Variants in DCAF7 observed in about 807,000 individuals in gnomAD.
DCAF7 encodes DDB1- and CUL4-associated factor 7.
Under a neutral mutation model 41.2 loss-of-function variants are expected in DCAF7, and 4 were observed. The observed-to-expected ratio is 0.10, with a 90% CI of 0.05 to 0.22. DCAF7 has a LOEUF of 0.22. Ranked by LOEUF, DCAF7 falls within the 10% of genes least tolerant of loss-of-function variation. The pLI, the probability that DCAF7 is intolerant of heterozygous loss-of-function variation, is 1.00. For missense variants in DCAF7, 131 were observed against 443.2 expected, an observed-to-expected ratio of 0.30 and a Z score of 6.32; for synonymous variants, 143 against 164.2, an observed-to-expected ratio of 0.87 and a Z score of 0.99.
chr17:63,587,484 T>TG (rs2033689458), intron 6 of DCAF7, among the ~76,000 whole-genome samples: 1 of 152,176 alleles, frequency 6.6e-6, no homozygotes, highest in South Asian at 2.1e-4. Context: ...GTTTTGTGTG[T>TG]TGCACCTGCC....
In DCAF7 at chr17:63,579,958, C is replaced by T. The variant is rs372256400; in HGVS notation, c.528+15C>T. The T allele has an allele frequency of 3.7e-6, 6 of 1,604,224 alleles. No individual in the cohort carries two copies. The African/African-American group carries it at 6.7e-5, about 18-fold the overall frequency. On this transcript the variant is annotated intron_variant, in intron 4 of 6. Transcript: ENST00000614556. ...ATGACAAAGAGGTAAGATGCTTTTC[C>T]ATTTCGTCTTTCCTCAAATGCTTCC...
rs1422612270 is a variant in DCAF7, at chr17:63,592,657, C to T, written c.*3485C>T. On this transcript the variant is annotated 3_prime_UTR_variant, in exon 7 of 7. Transcript: ENST00000614556. ...AGGGAAACATTCAGACTGTCCATTG[C>T]ATGGCTGTGGAGTGAGACTGCCCTT... 4 of 152,170 alleles carry T rather than the reference C, an allele frequency of 2.6e-5. No homozygotes were observed. The South Asian group carries it at 8.3e-4, about 31-fold the overall frequency. The allele number at this position is 152,170 out of a possible 1,614,324, so 9.4% of individuals were successfully genotyped here. A position where few individuals can be genotyped will look rare whatever the true frequency, so the allele number is the denominator to read the frequency against.
In DCAF7 at chr17:63,583,536, G is replaced by GC. The variant is rs1373183567; in HGVS notation, c.564dup (p.Arg189GlnfsTer10). Reference sequence around the variant, plus strand: ...ATTGCATTTAGCCGGGCCGGGGGTGGCAGGGACATGTTTGCCTCTGTGGGT... The same window carrying GC: ...ATTGCATTTAGCCGGGCCGGGGGTGGCCAGGGACATGTTTGCCTCTGTGGGT... On this transcript the variant is annotated frameshift_variant, in exon 5 of 7. Transcript: ENST00000614556. LOFTEE classifies it high-confidence loss of function. The GC allele has an allele frequency of 6.2e-7, 1 of 1,613,836 alleles. No individual in the cohort carries two copies. The highest frequency in any genetic ancestry group is 8.5e-7 in the Non-Finnish European group (1 of 1,179,870).
chr17:63,583,446 A>G (rs2147777053), intron 4 of DCAF7, 56 bp from the exon 5 acceptor site: 1 of 1,499,064 alleles, frequency 6.7e-7, no homozygotes, highest in South Asian at 1.2e-5. Context: ...TTTCCCTCCT[A>G]TAGGAAGAAG....
Position 63,588,941 on chromosome 17 carries a change from G to A in DCAF7, c.857-59G>A, listed in dbSNP as rs1045188957. On this transcript the variant is annotated intron_variant, in intron 6 of 6. Coordinates refer to ENST00000614556, the MANE Select transcript of DCAF7 (RefSeq NM_005828.5). Reference sequence around the variant, plus strand: ...ACTGTGACTTGCTCCTGAAATGCAGGGATCATCATCCGCATTGCCTCACTT... The same window carrying A: ...ACTGTGACTTGCTCCTGAAATGCAGAGATCATCATCCGCATTGCCTCACTT... 17 of 1,528,368 alleles carry A rather than the reference G, an allele frequency of 1.1e-5. No individual in the cohort carries two copies. In the African/African-American group the frequency reaches 1.8e-4, roughly 16 times the overall value. The allele number at this position is 1,528,368 out of a possible 1,614,324, so 94.7% of individuals were successfully genotyped here.
intron 1 of DCAF7, among the ~76,000 whole-genome samples, chr17:63,566,744 A>G (rs1290078771): frequency 1.3e-5 from 2 of 152,174 alleles, no homozygotes; most frequent in South Asian, 2.1e-4. Flanking sequence ...TCTACAGACA[A>G]TTCAAAAATT....
At chr17:63,565,171 GAA>G (rs1474896285) in intron 1 of DCAF7, among the ~76,000 whole-genome samples, 1 of 152,192 alleles carries the variant, frequency 6.6e-6, no homozygotes, top group Non-Finnish European at 1.5e-5. Flanking sequence ...AAATCAATAA[GAA>G]AGAGATATCC....
intron 1 of DCAF7, among the ~76,000 whole-genome samples, chr17:63,573,090 A>G (rs987928675): frequency 3.3e-5 from 5 of 151,948 alleles, no homozygotes; most frequent in African/African-American, 1.2e-4. Flanking sequence ...ATTCTGCCCA[A>G]TGAGCCTCAG....
In DCAF7 at chr17:63,550,869, G is replaced by C. The variant is rs2033243077; in HGVS notation, c.138+54G>C. 1.9e-6 allele frequency: 3 copies of C among 1,581,190 alleles called. No homozygotes were observed. In the East Asian group the frequency reaches 6.9e-5, roughly 36 times the overall value. On this transcript the variant is annotated intron_variant, in intron 1 of 6. Coordinates refer to ENST00000614556, the MANE Select transcript of DCAF7 (RefSeq NM_005828.5). This position sits in a 1 kb window ranked among gnomAD's most constrained non-coding sequence, Gnocchi z 4.8. ...CTGGCGGGGAGCGGGCCCCGGGAGC[G>C]CCCTTTCCGGGCCGGAGCCCAGGCC...
rs573602743 is a variant in DCAF7 at position 63,579,781 on chromosome 17, G to A, written c.410-44G>A. 1.1e-4 allele frequency: 174 copies of A among 1,513,294 alleles called. 4 individuals carry two copies. The South Asian group carries it at 1.6e-3, about 14-fold the overall frequency. The allele number at this position is 1,513,294 out of a possible 1,614,324, so 93.7% of individuals were successfully genotyped here. A position where few individuals can be genotyped will look rare whatever the true frequency, so the allele number is the denominator to read the frequency against. On this transcript the variant is annotated intron_variant, in intron 3 of 6. Coordinates refer to ENST00000614556, the MANE Select transcript of DCAF7 (RefSeq NM_005828.5). ...AAACACAAGAGGGAAGCTTGCATGA[G>A]AACCTTGGTCCCGTCAGCCCTGACT...
chr17:63,567,676 CT>C lies in DCAF7; in HGVS notation c.139-10793del, dbSNP rs574831125. Among the ~76,000 whole-genome samples the C allele has an allele frequency of 3.3e-5, 5 of 152,168 alleles. No homozygotes were observed. The East Asian group carries it at 5.8e-4, about 18-fold the overall frequency. On this transcript the variant is annotated intron_variant, in intron 1 of 6. Transcript: ENST00000614556. The stretch of plus-strand genomic sequence containing the variant: ...TTGGCGTCCTTCTTTTTTTTCCCCC[CT>C]AAGACAAGGTCTCACTTTGTTGCCC...
At chr17:63,581,249 T>C (rs1489479749) in intron 4 of DCAF7, among the ~76,000 whole-genome samples, 1 of 152,222 alleles carries the variant, frequency 6.6e-6, no homozygotes, top group Non-Finnish European at 1.5e-5. Context: ...ATTTTAGTTA[T>C]ATGACAACTT....
chr17:63,573,270 A>G (rs2033525961), intron 1 of DCAF7: 2 of 152,342 alleles, frequency 1.3e-5, no homozygotes, highest in Admixed American at 1.3e-4. Context: ...ACAAATTTCC[A>G]TGTCATCCTT....
At chr17:63,574,164 A>T (rs1437534105) in intron 1 of DCAF7, among the ~76,000 whole-genome samples, 1 of 151,916 alleles carries the variant, frequency 6.6e-6, no homozygotes, top group Non-Finnish European at 1.5e-5. Context: ...TGTTCTACCT[A>T]CCTGGGATGC....
intron 1 of DCAF7, among the ~76,000 whole-genome samples, chr17:63,577,459 G>A (rs113859397): frequency 0.014 from 2,168 of 152,248 alleles, 51 homozygotes; most frequent in African/African-American, 0.05. Flanking sequence ...TGTACAGTTA[G>A]TGTCCCATTG....
chr17:63,567,932 T>A (rs1028969138), intron 1 of DCAF7, among the ~76,000 whole-genome samples: 2 of 152,090 alleles, frequency 1.3e-5, no homozygotes, highest in Non-Finnish European at 2.9e-5. Flanking sequence ...CCCAGGGTGT[T>A]GGGATTATAG....
intron 1 of DCAF7, among the ~76,000 whole-genome samples, chr17:63,567,104 C>G (rs1183833561): frequency 6.6e-6 from 1 of 151,842 alleles, no homozygotes; most frequent in Non-Finnish European, 1.5e-5. Context: ...GCACCTAGCA[C>G]CTATTTATGC....
At chr17:63,581,075 G>A (rs748655993) in intron 4 of DCAF7, among the ~76,000 whole-genome samples, 24 of 152,182 alleles carry the variant, frequency 1.6e-4, no homozygotes, top group Admixed American at 8.5e-4. Flanking sequence ...TTCTTAGTAA[G>A]GGGTTGTCTT....
At chr17:63,554,184 G>A (rs1400313867) in intron 1 of DCAF7, among the ~76,000 whole-genome samples, 1 of 152,220 alleles carries the variant, frequency 6.6e-6, no homozygotes, top group African/African-American at 2.4e-5. Context: ...CAGCCTGGGC[G>A]ACAGAGCCAG....
Sources: gnomAD v4.1 joint callset for allele counts (sites outside exome capture counted in the v4.1 genomes callset) on GRCh38, gnomAD v4.1.1 for gene constraint, Gnocchi (gnomAD v3.1) non-coding constraint, MANE v1.5 for transcripts, NCBI Gene and HGNC (gene_info 2026-07-23, HGNC 2026-07-21) for gene names.